ROBO1: variants seen among roughly 807,000 people sequenced by gnomAD.
ROBO1 encodes roundabout guidance receptor 1, also known as roundabout homolog 1.
ROBO1 carries 149 observed loss-of-function variants against 195.9 expected under a neutral mutation model. The observed-to-expected ratio is 0.76, with a 90% confidence interval of 0.67 to 0.87. The LOEUF is 0.87. ROBO1 is among the 40% of genes least tolerant of loss of function. The pLI is 0.00. For missense variants in ROBO1, 1,933 were observed against 2,068.3 expected, an observed-to-expected ratio of 0.93 and a Z score of 1.27; for synonymous variants, 816 against 733.2, an observed-to-expected ratio of 1.11 and a Z score of -1.82.
At chr3:79,356,364 T>G (rs542261819) in intron 2 of ROBO1, among the ~76,000 whole-genome samples, 1 of 152,256 alleles carries the variant, frequency 6.6e-6, no homozygotes, top group South Asian at 2.1e-4. Context: ...AATATTACAA[T>G]TTTTATTTTA....
At chr3:78,920,803 C>A (rs2038903416) in intron 4 of ROBO1, among the ~76,000 whole-genome samples, 1 of 151,930 alleles carries the variant, frequency 6.6e-6, no homozygotes, top group Admixed American at 6.5e-5. Flanking sequence ...TGCATGTCAC[C>A]ATGCTCAGCT....
intron 4 of ROBO1, among the ~76,000 whole-genome samples, chr3:78,779,630 G>A (rs2083612700): frequency 1.3e-5 from 2 of 152,292 alleles, no homozygotes; most frequent in South Asian, 4.1e-4. Flanking sequence ...AGGATGTGAA[G>A]AAATGGGAAC....
intron 2 of ROBO1, among the ~76,000 whole-genome samples, chr3:79,493,385 G>A (rs1478910784): frequency 6.6e-6 from 1 of 151,722 alleles, no homozygotes. Context: ...AAACTGATAG[G>A]TATTAACTAA....
At chr3:79,333,867 C>T (rs919147657) in intron 2 of ROBO1, among the ~76,000 whole-genome samples, 2 of 152,106 alleles carry the variant, frequency 1.3e-5, no homozygotes, top group Admixed American at 1.3e-4. Context: ...TTACCTAGCT[C>T]ACAATTCGTT....
intron 2 of ROBO1, among the ~76,000 whole-genome samples, chr3:79,280,360 T>G (rs75250710): frequency 0.019 from 2,862 of 152,258 alleles, 67 homozygotes; most frequent in African/African-American, 0.06. Context: ...CAATTATTAT[T>G]TTTAATTAAA....
chr3:79,578,734 C>T (rs991806751), intron 2 of ROBO1, among the ~76,000 whole-genome samples: 3 of 152,040 alleles, frequency 2.0e-5, no homozygotes, highest in Non-Finnish European at 4.4e-5. Context: ...TTTCCTGTCA[C>T]GATGGTAAGA....
At chr3:78,808,597 G>A (rs2084625473) in intron 4 of ROBO1, among the ~76,000 whole-genome samples, 1 of 152,066 alleles carries the variant, frequency 6.6e-6, no homozygotes, top group Admixed American at 6.6e-5. Flanking sequence ...CAAATTATAT[G>A]GAAATAACCA....
chr3:79,492,023 AC>A (rs140115095), intron 2 of ROBO1, among the ~76,000 whole-genome samples: 10,120 of 152,226 alleles, frequency 0.066, 412 homozygotes, highest in East Asian at 0.15. Flanking sequence ...GTTGTAACTT[AC>A]ATTTGAGGTT....
At chr3:79,391,836 G>C (rs1329354333) in intron 2 of ROBO1, among the ~76,000 whole-genome samples, 2 of 151,820 alleles carry the variant, frequency 1.3e-5, no homozygotes, top group Admixed American at 1.3e-4. Context: ...CTTCAGCCTT[G>C]GTTCAAACAA....
chr3:79,214,828 T>A (rs192862721), intron 2 of ROBO1, among the ~76,000 whole-genome samples: 7,883 of 114,624 alleles, frequency 0.069, 271 homozygotes, highest in African/African-American at 0.17. Flanking sequence ...ATATATATAT[T>A]TTTTTTTTTT....
At chr3:79,206,180 A>G (rs905123811) in intron 2 of ROBO1, among the ~76,000 whole-genome samples, 1 of 152,198 alleles carries the variant, frequency 6.6e-6, no homozygotes, top group Non-Finnish European at 1.5e-5. Flanking sequence ...ACCACATGGT[A>G]TATGCTACCC....
chr3:79,539,096 C>T (rs188295572), intron 2 of ROBO1, among the ~76,000 whole-genome samples: 102 of 152,198 alleles, frequency 6.7e-4, no homozygotes, highest in Admixed American at 2.0e-3. Context: ...AAAGAAAATC[C>T]CATAGGTTCC....
At chr3:79,279,009 T>C (rs1362341642) in intron 2 of ROBO1, among the ~76,000 whole-genome samples, 4 of 152,014 alleles carry the variant, frequency 2.6e-5, no homozygotes, top group African/African-American at 7.2e-5. Flanking sequence ...TGGACAAATG[T>C]CACACCTGTA....
chr3:79,745,589 C>A (rs1703838298), intron 1 of ROBO1, among the ~76,000 whole-genome samples: 1 of 152,044 alleles, frequency 6.6e-6, no homozygotes, highest in African/African-American at 2.4e-5. Flanking sequence ...TGTCATTAGC[C>A]TTTTTTCTTT....
chr3:79,761,604 C>G (rs1347771138), intron 1 of ROBO1, among the ~76,000 whole-genome samples: 3 of 152,170 alleles, frequency 2.0e-5, no homozygotes, highest in Non-Finnish European at 4.4e-5. Context: ...ACAGCAGCAC[C>G]TCAACTCTAA....
intron 1 of ROBO1, among the ~76,000 whole-genome samples, chr3:79,668,297 G>C (rs1420547314): frequency 2.0e-5 from 3 of 149,434 alleles, no homozygotes; most frequent in Admixed American, 1.3e-4. Context: ...CCATGAAAAA[G>C]CACAGTCCTC....
chr3:78,749,948 A>T (rs2082747204), intron 4 of ROBO1, among the ~76,000 whole-genome samples: 1 of 152,200 alleles, frequency 6.6e-6, no homozygotes, highest in South Asian at 2.1e-4. Context: ...TAGTGTATCC[A>T]AGTAGATATC....
intron 3 of ROBO1, among the ~76,000 whole-genome samples, chr3:79,036,577 T>A (rs948541773): frequency 2.8e-4 from 43 of 152,142 alleles, no homozygotes; most frequent in Admixed American, 5.2e-4. Context: ...ATCACTAAGA[T>A]ATAAATCAGA....
Position 78,646,022 on chromosome 3 carries a change from G to A in ROBO1, c.2882+126C>T, listed in dbSNP as rs1042349767. 65 of 803,324 alleles carry A rather than the reference G, an allele frequency of 8.1e-5. 1 individual carries two copies. The African/African-American group carries it at 9.5e-4, about 12-fold the overall frequency. 49.8% of individuals were successfully genotyped at this position (803,324 alleles called of 1,614,324 possible). A position where few individuals can be genotyped will look rare whatever the true frequency, so the allele number is the denominator to read the frequency against. On this transcript the variant is annotated intron_variant, in intron 21 of 30. Transcript: ENST00000464233. The stretch of plus-strand genomic sequence containing the variant: ...AACAGCATAGCTGAATGGAGTCTTC[G>A]TCAAGGAACTAAATAAATTCCACCT...
Sources: allele counts gnomAD v4.1 joint callset (sites outside exome capture counted in the v4.1 genomes callset), GRCh38; gene constraint gnomAD v4.1.1; transcripts MANE v1.5; gene names NCBI Gene and HGNC (gene_info 2026-07-23, HGNC 2026-07-21).